MAF: variants seen among roughly 807,000 people sequenced by gnomAD.
MAF encodes MAF bZIP transcription factor.
Under a neutral mutation model 22.0 loss-of-function variants are expected in MAF, and 10 were observed. The observed-to-expected ratio is 0.45, with a 90% CI of 0.28 to 0.77. MAF has a LOEUF of 0.77. Ranked by LOEUF, MAF falls within the 30% of genes least tolerant of loss-of-function variation. The pLI, the probability that MAF is intolerant of heterozygous loss-of-function variation, is 0.12. For synonymous variants in MAF, 337 were observed against 255.8 expected (o/e 1.32, Z -3.03); for missense variants, 544 against 548.4 (o/e 0.99, Z 0.08).
the MAF span, among the ~76,000 whole-genome samples, chr16:79,224,065 A>T: frequency 0.48 from 72,694 of 152,024 alleles, 19,192 homozygotes; most frequent in Non-Finnish European, 0.62. Flanking sequence ...AAAAAAAGAA[A>T]ATTTGAGGCC....
the MAF span, among the ~76,000 whole-genome samples, chr16:79,250,582 G>A: frequency 6.6e-6 from 1 of 152,174 alleles, no homozygotes; most frequent in South Asian, 2.1e-4. Context: ...TCTGGTGCTT[G>A]GGGAAGGCTC....
chr16:79,400,551 T>C, the MAF span, among the ~76,000 whole-genome samples: 43 of 152,248 alleles, frequency 2.8e-4, no homozygotes, highest in Admixed American at 2.7e-3. Flanking sequence ...ACGTCATTTG[T>C]TTCCCAGGCT....
the MAF span, among the ~76,000 whole-genome samples, chr16:79,207,868 C>G: frequency 6.6e-6 from 1 of 151,938 alleles, no homozygotes; most frequent in Non-Finnish European, 1.5e-5. Flanking sequence ...CATTTGTATT[C>G]TGTGCTGACA....
the MAF span, among the ~76,000 whole-genome samples, chr16:79,550,418 G>A: frequency 6.6e-6 from 1 of 151,974 alleles, no homozygotes; most frequent in Non-Finnish European, 1.5e-5. Flanking sequence ...GTTGCAAAAT[G>A]GGTCAAGTCA....
chr16:79,279,100 C>G, the MAF span, among the ~76,000 whole-genome samples: 1 of 152,152 alleles, frequency 6.6e-6, no homozygotes, highest in Non-Finnish European at 1.5e-5. Flanking sequence ...GGAGGTAGCC[C>G]TGTCATCAAC....
the MAF span, among the ~76,000 whole-genome samples, chr16:79,426,445 A>G: frequency 6.6e-6 from 1 of 152,186 alleles, no homozygotes; most frequent in Non-Finnish European, 1.5e-5. Flanking sequence ...ACAATTACAT[A>G]AGAGTATTTG....
At chr16:79,421,582 A>C in the MAF span, among the ~76,000 whole-genome samples, 1 of 152,092 alleles carries the variant, frequency 6.6e-6, no homozygotes. Context: ...AAGATGATAG[A>C]CATTCTAAAC....
chr16:79,424,887 A>G, the MAF span, among the ~76,000 whole-genome samples: 1 of 152,198 alleles, frequency 6.6e-6, no homozygotes, highest in South Asian at 2.1e-4. Context: ...ACATATTTTC[A>G]TTATGAAAAA....
chr16:79,290,977 A>G, the MAF span, among the ~76,000 whole-genome samples: 7 of 152,234 alleles, frequency 4.6e-5, no homozygotes, highest in South Asian at 6.2e-4. Flanking sequence ...CTTATTCACA[A>G]TGACAATCGA....
chr16:79,538,454 G>A, the MAF span, among the ~76,000 whole-genome samples: 5 of 152,154 alleles, frequency 3.3e-5, no homozygotes, highest in Non-Finnish European at 7.4e-5. Context: ...CCATAAAAAT[G>A]AAGAAAGTAT....
chr16:79,488,852 G>GAAC, the MAF span, among the ~76,000 whole-genome samples: 2 of 152,110 alleles, frequency 1.3e-5, no homozygotes, highest in Non-Finnish European at 2.9e-5. Context: ...CAATTAAAAA[G>GAAC]TTAATTAAGA....
At chr16:79,451,339 A>C in the MAF span, among the ~76,000 whole-genome samples, 1 of 152,184 alleles carries the variant, frequency 6.6e-6, no homozygotes, top group Non-Finnish European at 1.5e-5. Flanking sequence ...GGACCACAAA[A>C]CAATGGTAAA....
At chr16:79,300,692 C>CTT in the MAF span, among the ~76,000 whole-genome samples, 20 of 145,500 alleles carry the variant, frequency 1.4e-4, no homozygotes, top group Middle Eastern at 3.6e-3. Flanking sequence ...CAACCCATTT[C>CTT]TTTTTTTTTT....
chr16:79,389,841 T>C, the MAF span, among the ~76,000 whole-genome samples: 1 of 151,166 alleles, frequency 6.6e-6, no homozygotes, highest in Non-Finnish European at 1.5e-5. Context: ...CCAGGCGTGG[T>C]GGTGGGCGCC....
chr16:79,278,863 G>A, the MAF span, among the ~76,000 whole-genome samples: 1 of 152,122 alleles, frequency 6.6e-6, no homozygotes, highest in African/African-American at 2.4e-5. Context: ...CAAAGGCACA[G>A]CCTACTGAAC....
the MAF span, among the ~76,000 whole-genome samples, chr16:79,246,546 G>GT: frequency 7.3e-6 from 1 of 136,660 alleles, no homozygotes; most frequent in African/African-American, 2.7e-5. Context: ...TTTTTGGGGG[G>GT]GGTGTGGGGG....
At chr16:79,409,454 G>A in the MAF span, among the ~76,000 whole-genome samples, 1 of 152,244 alleles carries the variant, frequency 6.6e-6, no homozygotes, top group African/African-American at 2.4e-5. Flanking sequence ...TGAACCCTGT[G>A]TAGCCCACTG....
At chr16:79,323,409 C>T in the MAF span, among the ~76,000 whole-genome samples, 1 of 151,994 alleles carries the variant, frequency 6.6e-6, no homozygotes. Flanking sequence ...TTTTTAAATA[C>T]ATCTCTGTGT....
chr16:79,411,278 T>C, the MAF span, among the ~76,000 whole-genome samples: 56,036 of 152,146 alleles, frequency 0.37, 12,317 homozygotes, highest in East Asian at 0.85. Context: ...GCTCAGTAAA[T>C]AACCTCTTTG....
Sources: gnomAD v4.1 joint callset for allele counts (sites outside exome capture counted in the v4.1 genomes callset) on GRCh38, gnomAD v4.1.1 for gene constraint, MANE v1.5 for transcripts, NCBI Gene and HGNC (gene_info 2026-07-23, HGNC 2026-07-21) for gene names.